Variants in MACROD2 observed in about 807,000 individuals in gnomAD.
MACROD2 encodes mono-ADP ribosylhydrolase 2, also known as ADP-ribose glycohydrolase MACROD2.
A neutral mutation model predicts 70.4 loss-of-function variants in MACROD2; 36 were observed. The ratio of observed to expected loss-of-function variants is 0.51; its 90% CI spans 0.39 to 0.68. The LOEUF is 0.68. MACROD2 is among the 30% of genes least tolerant of loss of function. MACROD2 has a pLI of 0.00. For missense variants in MACROD2, 496 were observed against 538.4 expected (o/e 0.92, Z 0.78); for synonymous variants, 172 against 178.8 (o/e 0.96, Z 0.30).
At chr20:14,237,301 CT>C (rs796624881) in intron 3 of MACROD2, among the ~76,000 whole-genome samples, 4 of 151,552 alleles carry the variant, frequency 2.6e-5, no homozygotes, top group East Asian at 3.9e-4. Flanking sequence ...TCTGATGATT[CT>C]TTTTTTTGTT....
intron 1 of MACROD2, among the ~76,000 whole-genome samples, chr20:14,001,670 T>C (rs1206523454): frequency 6.6e-6 from 1 of 152,160 alleles, no homozygotes; most frequent in Non-Finnish European, 1.5e-5. Flanking sequence ...TTGGCATCTG[T>C]TAGGTCTTCT....
At chr20:14,152,899 T>G (rs2055044986) in intron 3 of MACROD2, among the ~76,000 whole-genome samples, 1 of 152,224 alleles carries the variant, frequency 6.6e-6, no homozygotes, top group South Asian at 2.1e-4. Context: ...CAGTTTTTCA[T>G]CATTGTATGC....
chr20:14,400,726 C>G (rs916476796), intron 3 of MACROD2, among the ~76,000 whole-genome samples: 10 of 152,088 alleles, frequency 6.6e-5, no homozygotes, highest in Admixed American at 6.5e-4. Context: ...TTCTGTACTG[C>G]CTAATGTCCT....
chr20:15,230,925 T>C (rs1350582602), intron 6 of MACROD2, among the ~76,000 whole-genome samples: 1 of 152,070 alleles, frequency 6.6e-6, no homozygotes, highest in South Asian at 2.1e-4. Context: ...CTTGCTGAAA[T>C]TGTGGGGCAG....
At chr20:15,842,159 T>C (rs1181211707) in intron 8 of MACROD2, among the ~76,000 whole-genome samples, 1 of 152,124 alleles carries the variant, frequency 6.6e-6, no homozygotes, top group Non-Finnish European at 1.5e-5. Flanking sequence ...TAACTCTTTC[T>C]TGACCCTATT....
At chr20:14,217,583 G>A (rs2081633920) in intron 3 of MACROD2, among the ~76,000 whole-genome samples, 1 of 152,038 alleles carries the variant, frequency 6.6e-6, no homozygotes, top group South Asian at 2.1e-4. Context: ...AAAAGGATTG[G>A]TACCAATTCT....
intron 9 of MACROD2, among the ~76,000 whole-genome samples, chr20:15,879,631 C>T (rs954401732): frequency 3.7e-4 from 56 of 152,100 alleles, no homozygotes; most frequent in African/African-American, 1.3e-3. Context: ...AATCACTCTA[C>T]AATTTTTCAA....
At chr20:14,183,571 G>A (rs1407769454) in intron 3 of MACROD2, among the ~76,000 whole-genome samples, 1 of 152,100 alleles carries the variant, frequency 6.6e-6, no homozygotes, top group Non-Finnish European at 1.5e-5. Flanking sequence ...GGGTTGAATG[G>A]TAGTTCTGTC....
At chr20:15,357,294 A>G (rs888913771) in intron 6 of MACROD2, among the ~76,000 whole-genome samples, 4 of 152,070 alleles carry the variant, frequency 2.6e-5, no homozygotes, top group Admixed American at 1.3e-4. Context: ...CTTTTTTTCT[A>G]TTTGCTTGAC....
In MACROD2 at chr20:14,532,158, C is replaced by T. The variant is rs191245020; in HGVS notation, c.301+38650C>T. ...ATAGCAGTATAATGATTTTAGTACC[C>T]ATGTTTCTTAGAAACGTAGCCTTCA... On this transcript the variant is annotated intron_variant, in intron 4 of 17. Transcript: ENST00000684519. Among the ~76,000 whole-genome samples the T allele has an allele frequency of 5.3e-5, 8 of 151,980 alleles. No homozygotes were observed. The East Asian group carries it at 1.5e-3, about 29-fold the overall frequency.
At chr20:14,113,794 T>C (rs568412882) in intron 3 of MACROD2, among the ~76,000 whole-genome samples, 4 of 152,140 alleles carry the variant, frequency 2.6e-5, no homozygotes, top group Non-Finnish European at 5.9e-5. Flanking sequence ...TTTAAATGCA[T>C]AAGCCAGATT....
At position 14,058,833 on chromosome 20, in the gene MACROD2, G is replaced by A. The variant is rs373240888; in HGVS notation, c.164-26788G>A. 9.2e-5 allele frequency among the ~76,000 whole-genome samples: 14 copies of A among 151,912 alleles called. 1 individual carries two copies. Among genetic ancestry groups the A allele is most frequent in the African/African-American group, 3.1e-4 (13 of 41,466 alleles). On this transcript the variant is annotated intron_variant, in intron 2 of 17. Coordinates refer to ENST00000684519, the MANE Select transcript of MACROD2 (RefSeq NM_001351661.2). The stretch of plus-strand genomic sequence containing the variant: ...TAATTTTTGTATTTTTAGTAGAGAC[G>A]AGGTTTCACAATGTTGGCCAGGATG...
chr20:14,589,629 A>G (rs920549743), intron 4 of MACROD2, among the ~76,000 whole-genome samples: 1 of 152,206 alleles, frequency 6.6e-6, no homozygotes, highest in African/African-American at 2.4e-5. Flanking sequence ...TATATTTATT[A>G]TAATGACTGA....
At chr20:16,001,780 T>G (rs1458422026) in intron 15 of MACROD2, among the ~76,000 whole-genome samples, 1 of 152,132 alleles carries the variant, frequency 6.6e-6, no homozygotes, top group East Asian at 1.9e-4. Context: ...CAAACATAGT[T>G]CATAAAGTAA....
chr20:15,242,262 A>G (rs955303966), intron 6 of MACROD2, among the ~76,000 whole-genome samples: 3 of 152,190 alleles, frequency 2.0e-5, no homozygotes, highest in Admixed American at 2.0e-4. Flanking sequence ...ACTCTTCACA[A>G]CTGTCAAAAT....
Position 14,746,424 on chromosome 20 carries a change from A to G in MACROD2, c.418+61465A>G, listed in dbSNP as rs189881453. 2.3e-3 allele frequency among the ~76,000 whole-genome samples: 353 copies of G among 152,308 alleles called. 3 individuals are homozygous for G. The highest frequency in any genetic ancestry group is 3.4e-3 in the Non-Finnish European group (234 of 68,020). ...ATTTTCTTGCCAAATAGTTTAGTGT[A>G]AAAGGAGAGAAAATAAGTAAATCTT... On this transcript the variant is annotated intron_variant, in intron 5 of 17. Transcript: ENST00000684519.
rs139432927 is a variant in MACROD2 at position 15,067,275 on chromosome 20, T to C, written c.419-162665T>C. Among the ~76,000 whole-genome samples, 225 of 152,348 alleles carry C rather than the reference T, an allele frequency of 1.5e-3. 1 individual carries two copies. Among genetic ancestry groups the C allele is most frequent in the African/African-American group, 4.9e-3 (203 of 41,592 alleles). On this transcript the variant is annotated intron_variant, in intron 5 of 17. Transcript: ENST00000684519. ...AATATAATGTCATGGCTTACCCTAA[T>C]GCTTATTATTATATGTATAAAGACT...
chr20:15,533,541 GTCGCTCTC>G (rs1285646135), intron 8 of MACROD2, among the ~76,000 whole-genome samples: 3 of 118,416 alleles, frequency 2.5e-5, no homozygotes, highest in African/African-American at 3.3e-5. Context: ...CTCTGTCTCT[GTCGCTCTC>G]TCTCTCTCTC....
At chr20:14,646,463 T>C (rs995743114) in intron 4 of MACROD2, among the ~76,000 whole-genome samples, 1 of 152,126 alleles carries the variant, frequency 6.6e-6, no homozygotes, top group Non-Finnish European at 1.5e-5. Flanking sequence ...AGCACTATTA[T>C]GTTATCTGTT....
Sources: gnomAD v4.1 joint callset for allele counts (sites outside exome capture counted in the v4.1 genomes callset) on GRCh38, gnomAD v4.1.1 for gene constraint, MANE v1.5 for transcripts, NCBI Gene and HGNC (gene_info 2026-07-23, HGNC 2026-07-21) for gene names.